The following ENOX1 variants were observed in gnomAD, a reference collection of about 807,000 sequenced individuals.
ENOX1 encodes the protein ecto-NOX disulfide-thiol exchanger 1.
ENOX1 carries 42 observed loss-of-function variants against 82.5 expected under a neutral mutation model. The ratio of observed to expected loss-of-function variants is 0.51; its 90% CI spans 0.40 to 0.66. ENOX1 has a LOEUF of 0.66. ENOX1 is among the 30% of genes least tolerant of loss of function. The pLI is 0.00. For synonymous variants in ENOX1, 271 were observed against 282.2 expected, an observed-to-expected ratio of 0.96 and a Z score of 0.40; for missense variants, 608 against 811.6, an observed-to-expected ratio of 0.75 and a Z score of 3.05.
At position 43,750,788 on chromosome 13, in the gene ENOX1, CA is replaced by C. The variant is rs1950270499; in HGVS notation, c.-285+35863del. Among the ~76,000 whole-genome samples, 6 of 152,308 alleles carry C rather than the reference CA, an allele frequency of 3.9e-5. No individual in the cohort carries two copies. The South Asian group carries it at 1.2e-3, about 32-fold the overall frequency. On this transcript the variant is annotated intron_variant, in intron 1 of 16. Transcript: ENST00000690772. ...CATGCGATCAAATTTCTTTCAGGCCCATTCAAAACAAAATAGTTGCATGGGA... is the reference window on the plus strand; with the variant it reads ...CATGCGATCAAATTTCTTTCAGGCCCTTCAAAACAAAATAGTTGCATGGGA...
At chr13:43,389,859 C>T (rs187322460) in intron 5 of ENOX1, among the ~76,000 whole-genome samples, 110 of 152,262 alleles carry the variant, frequency 7.2e-4, no homozygotes, top group African/African-American at 2.4e-3. Context: ...GTAGGGTCTA[C>T]GGAAACAATG....
At chr13:43,539,020 G>A (rs995769040) in intron 2 of ENOX1, among the ~76,000 whole-genome samples, 6 of 151,972 alleles carry the variant, frequency 3.9e-5, no homozygotes, top group South Asian at 2.1e-4. Context: ...TGGTGGTCTC[G>A]CTATGATGCC....
chr13:43,693,063 T>C (rs2086451182), intron 1 of ENOX1, among the ~76,000 whole-genome samples: 1 of 152,162 alleles, frequency 6.6e-6, no homozygotes. Context: ...AAACAATTTA[T>C]AACACAGTTG....
intron 2 of ENOX1, among the ~76,000 whole-genome samples, chr13:43,495,343 A>G (rs1258698645): frequency 4.6e-5 from 7 of 152,118 alleles, no homozygotes; most frequent in Non-Finnish European, 1.5e-5. Context: ...GCCCCACTCA[A>G]ATGTGAAATT....
At chr13:43,274,114 C>G (rs922799241) in intron 12 of ENOX1, among the ~76,000 whole-genome samples, 1 of 152,176 alleles carries the variant, frequency 6.6e-6, no homozygotes, top group African/African-American at 2.4e-5. Context: ...ATACATAAAA[C>G]TTTTTGAGGA....
intron 14 of ENOX1, among the ~76,000 whole-genome samples, chr13:43,253,256 C>T (rs1031619648): frequency 1.3e-5 from 2 of 151,584 alleles, no homozygotes; most frequent in African/African-American, 4.8e-5. Context: ...TTAGGCAGCT[C>T]TTCCTGTTCC....
intron 10 of ENOX1, among the ~76,000 whole-genome samples, chr13:43,323,917 T>C (rs984714740): frequency 2.6e-5 from 4 of 152,194 alleles, no homozygotes; most frequent in African/African-American, 9.7e-5. Flanking sequence ...AGCATTTGAA[T>C]GGTCAACTCT....
chr13:43,485,659 CAAAG>C (rs2076387754), intron 2 of ENOX1, among the ~76,000 whole-genome samples: 3 of 152,274 alleles, frequency 2.0e-5, no homozygotes, highest in Admixed American at 2.0e-4. Context: ...GTGAGCTTGA[CAAAG>C]AATGAAGAAA....
At chr13:43,548,374 C>T (rs2079053800) in intron 2 of ENOX1, among the ~76,000 whole-genome samples, 1 of 152,160 alleles carries the variant, frequency 6.6e-6, no homozygotes, top group African/African-American at 2.4e-5. Context: ...TACTGGCACA[C>T]TTAATGGAAA....
chr13:43,685,873 A>AACAC (rs60259011), intron 1 of ENOX1, among the ~76,000 whole-genome samples: 41,841 of 141,200 alleles, frequency 0.3, 7,152 homozygotes, highest in Non-Finnish European at 0.41. Context: ...CCCAGAAGGA[A>AACAC]ACACACACAC....
chr13:43,214,023 C>T lies in ENOX1; in HGVS notation c.1899G>A (p.Lys633=), dbSNP rs2041325343. 7.4e-6 allele frequency: 12 copies of T among 1,613,964 alleles called. No individual in the cohort carries two copies. Among genetic ancestry groups the T allele is most frequent in the Non-Finnish European group, 1.0e-5 (12 of 1,179,886 alleles). The change falls in exon 17 of 17, where the codon AAG becomes AAA. Residue 633 remains lysine, a synonymous_variant. Transcript: ENST00000690772. ...TTTTAATTCCTTCAAAGGCACACAGCTTCCATCTTTTTTCCAGCGTGGCTC... is the reference window on the plus strand; with the variant it reads ...TTTTAATTCCTTCAAAGGCACACAGTTTCCATCTTTTTTCCAGCGTGGCTC... ...GVGATLEKRW[K]LCAFEGIKTT
chr13:43,555,273 C>A (rs769354668), intron 2 of ENOX1, among the ~76,000 whole-genome samples: 5 of 152,214 alleles, frequency 3.3e-5, no homozygotes, highest in Non-Finnish European at 5.9e-5. Flanking sequence ...CTAGCATCAG[C>A]CGTATATGTG....
intron 2 of ENOX1, among the ~76,000 whole-genome samples, chr13:43,597,888 C>T (rs1289455456): frequency 1.3e-5 from 2 of 152,284 alleles, no homozygotes; most frequent in East Asian, 3.9e-4. Context: ...GGAGTCTGTA[C>T]TTGCTGTTCC....
At chr13:43,459,639 T>C (rs2057376289) in intron 3 of ENOX1, among the ~76,000 whole-genome samples, 1 of 152,162 alleles carries the variant, frequency 6.6e-6, no homozygotes, top group African/African-American at 2.4e-5. Context: ...GAGCCATATG[T>C]TAGTTCTGTC....
At chr13:43,448,088 AGAAG>A (rs1431826065) in intron 3 of ENOX1, among the ~76,000 whole-genome samples, 22 of 152,232 alleles carry the variant, frequency 1.4e-4, no homozygotes, top group African/African-American at 5.3e-4. Flanking sequence ...ATTATTGAAC[AGAAG>A]TAATTTATGC....
intron 2 of ENOX1, among the ~76,000 whole-genome samples, chr13:43,588,722 A>G (rs2081105723): frequency 6.6e-6 from 1 of 152,232 alleles, no homozygotes; most frequent in South Asian, 2.1e-4. Flanking sequence ...CAGATCCTCA[A>G]TAAACAAATG....
intron 2 of ENOX1, among the ~76,000 whole-genome samples, chr13:43,530,399 C>T (rs960249274): frequency 6.6e-6 from 1 of 152,050 alleles, no homozygotes; most frequent in Non-Finnish European, 1.5e-5. Context: ...CAGAGTCTAC[C>T]TGTGTTAAAT....
intron 1 of ENOX1, among the ~76,000 whole-genome samples, chr13:43,709,308 TA>T (rs1284529916): frequency 6.6e-6 from 1 of 152,128 alleles, no homozygotes; most frequent in African/African-American, 2.4e-5. Flanking sequence ...GAAAATTTTT[TA>T]TGACCATACT....
intron 1 of ENOX1, among the ~76,000 whole-genome samples, chr13:43,776,823 G>GAA (rs372000193): frequency 3.6e-5 from 5 of 139,928 alleles, no homozygotes; most frequent in Non-Finnish European, 1.6e-5. Context: ...CACAGCTAGG[G>GAA]AAAAAAAAAA....
Sources: allele counts gnomAD v4.1 joint callset (sites outside exome capture counted in the v4.1 genomes callset), GRCh38; gene constraint gnomAD v4.1.1; transcripts MANE v1.5; gene names NCBI Gene and HGNC (gene_info 2026-07-23, HGNC 2026-07-21).